Variants in TM7SF2 observed in about 807,000 individuals in gnomAD.
TM7SF2 encodes the protein transmembrane 7 superfamily member 2.
A neutral mutation model predicts 51.0 loss-of-function variants in TM7SF2; 51 were observed. The observed-to-expected ratio is 1.00, with a 90% CI of 0.80 to 1.26. The LOEUF is 1.26. Ranked by LOEUF, TM7SF2 falls within the 50% of genes most tolerant of loss-of-function variation. The probability of loss-of-function intolerance (pLI) is 0.00; values close to 1 mark genes in which losing one functional copy is unlikely to be tolerated. For synonymous variants in TM7SF2, 255 were observed against 241.0 expected (o/e 1.06, Z -0.54); for missense variants, 541 against 547.4 (o/e 0.99, Z 0.12).
chr11:65,112,575 G>A lies in TM7SF2; in HGVS notation c.113G>A (p.Arg38His), dbSNP rs781766885. The A allele has an allele frequency of 2.1e-4, 321 of 1,523,286 alleles. No homozygotes were observed. Among genetic ancestry groups the A allele is most frequent in the Non-Finnish European group, 2.7e-4 (313 of 1,144,108 alleles). The allele number at this position is 1,523,286 out of a possible 1,614,324, so 94.4% of individuals were successfully genotyped here. A position where few individuals can be genotyped will look rare whatever the true frequency, so the allele number is the denominator to read the frequency against. ...ATGTTCCACCTGCTCCTGGCGGCCC[G>A]TTCGGGCCCCGCGCGCCTGCTGGGT... ...ATMFHLLLAA[R>H]SGPARLLGPP... Residue 38 changes from arginine (R) to histidine (H), a missense_variant, in exon 2 of 10, where the codon CGT (arginine) becomes CAT (histidine). Transcript: ENST00000279263.
rs772801137 is a variant in TM7SF2, at chr11:65,115,461, G to T, written c.974-15G>T. The T allele has an allele frequency of 6.2e-7, 1 of 1,614,164 alleles. No individual in the cohort carries two copies. The highest frequency in any genetic ancestry group is 2.2e-5 in the East Asian group (1 of 44,890). ...GGGCTTCCTGGGAACTCTCCACCCT[G>T]CTGTCTTTCCCCAGGGCTTGAGACC... On this transcript the variant is annotated splice_polypyrimidine_tract_variant and intron_variant, in intron 8 of 9. Transcript: ENST00000279263.
intron 5 of TM7SF2, 33 bp downstream of exon 5, chr11:65,113,627 C>T (rs760604100): frequency 6.3e-7 from 1 of 1,592,628 alleles, no homozygotes; most frequent in Non-Finnish European, 8.6e-7. Context: ...GGCCTCAGGC[C>T]AGGGGGAGGG....
rs1253894688 is a variant in TM7SF2 at position 65,116,142 on chromosome 11, G to C, written c.*89G>C. 8 of 1,484,254 alleles carry C rather than the reference G, an allele frequency of 5.4e-6. No individual in the cohort carries two copies. Among genetic ancestry groups the C allele is most frequent in the Non-Finnish European group, 6.3e-6 (7 of 1,104,282 alleles). 91.9% of individuals were successfully genotyped at this position (1,484,254 alleles called of 1,614,324 possible). A position where few individuals can be genotyped will look rare whatever the true frequency, so the allele number is the denominator to read the frequency against. ...GAGCCTCGACACACTTGGGACTCAAGGGCTTGCACCCCACCCAGCCCTGAG... is the reference window on the plus strand; with the variant it reads ...GAGCCTCGACACACTTGGGACTCAACGGCTTGCACCCCACCCAGCCCTGAG... On this transcript the variant is annotated 3_prime_UTR_variant, in exon 10 of 10. Transcript: ENST00000279263.
chr11:65,115,045 G>A lies in TM7SF2; in HGVS notation c.856G>A (p.Gly286Arg), dbSNP rs763739423. 1.2e-6 allele frequency: 2 copies of A among 1,613,988 alleles called. No individual in the cohort carries two copies. The highest frequency in any genetic ancestry group is 1.7e-6 in the Non-Finnish European group (2 of 1,180,004). Residue 286 changes from glycine to arginine, a missense_variant, in exon 7 of 10, where the codon GGG becomes AGG. Gly to Arg is a moderately radical substitution (Grantham distance 125). Transcript: ENST00000279263. The part of the protein sequence containing the change: ...QFLLHHPQPL[G>R]LPMASVICLI... The stretch of plus-strand genomic sequence containing the variant: ...CCTGCTGCACCACCCGCAGCCCCTG[G>A]GGTTGCCCATGGCCTCTGTCATCTG...
At chr11:65,113,621 T>C in intron 5 of TM7SF2, 27 bp downstream of exon 5, 3 of 1,495,736 alleles carry the variant, frequency 2.0e-6, no homozygotes, top group Non-Finnish European at 2.8e-6. Flanking sequence ...TGAGCTGGCC[T>C]CAGGCCAGGG....
chr11:65,115,419 G>A, intron 8 of TM7SF2, 25 bp downstream of exon 8: 2 of 1,614,178 alleles, frequency 1.2e-6, no homozygotes, highest in Non-Finnish European at 1.7e-6. Flanking sequence ...TAGGGCCATG[G>A]GTGAGGTGGG....
In TM7SF2 at chr11:65,112,662, T is replaced by A; in HGVS notation, c.200T>A (p.Leu67His). The A allele has an allele frequency of 6.5e-7, 1 of 1,530,716 alleles. No individual in the cohort carries two copies. Among genetic ancestry groups the A allele is most frequent in the Non-Finnish European group, 8.8e-7 (1 of 1,141,384 alleles). 94.8% of individuals were successfully genotyped at this position (1,530,716 alleles called of 1,614,324 possible). A position where few individuals can be genotyped will look rare whatever the true frequency, so the allele number is the denominator to read the frequency against. The change falls in exon 2 of 10, where the codon CTC (leucine) becomes CAC (histidine). Residue 67 changes from leucine to histidine, a missense_variant. Transcript: ENST00000279263. The part of the protein sequence containing the change: ...LWSPRALLLW[L>H]AWLGLQAALY... ...AGCCCACGGGCGCTGCTGCTGTGGC[T>A]CGCCTGGCTCGGCCTGCAGGCGGCG...
In TM7SF2 at chr11:65,113,550, G is replaced by C; in HGVS notation, c.559G>C (p.Asp187His). Reference sequence around the variant, plus strand: ...GCTCAACCCTCGTATCTGTTTCTTCGACTTCAAATATTTCTGTGAACTGCG... The same window carrying C: ...GCTCAACCCTCGTATCTGTTTCTTCCACTTCAAATATTTCTGTGAACTGCG... Reference protein sequence around the residue: ...RELNPRICFFDFKYFCELRPG... With the variant: ...RELNPRICFFHFKYFCELRPG... The change falls in exon 5 of 10, where the codon GAC becomes CAC. Residue 187 changes from aspartate (D) to histidine (H), a missense_variant. Transcript: ENST00000279263. 1 of 1,614,050 alleles carries C rather than the reference G, an allele frequency of 6.2e-7. No homozygotes were observed. Among genetic ancestry groups the C allele is most frequent in the Admixed American group, 1.7e-5 (1 of 60,010 alleles).
intron 3 of TM7SF2, 98 bp from the exon 4 acceptor site, chr11:65,113,122 G>T: frequency 7.6e-7 from 1 of 1,323,414 alleles, no homozygotes; most frequent in South Asian, 1.5e-5. Context: ...GCTTGGGGCA[G>T]GGTCTGTGGC....
chr11:65,113,641 G>A, intron 5 of TM7SF2, 47 bp downstream of exon 5: 1 of 1,559,136 alleles, frequency 6.4e-7, no homozygotes, highest in Non-Finnish European at 8.8e-7. Context: ...GGGAGGGTTA[G>A]GGTGGGTGAG....
In TM7SF2 at chr11:65,112,055, G is replaced by A. The variant is rs532572337; in HGVS notation, c.40G>A (p.Gly14Arg). Residue 14 changes from glycine (G) to arginine (R), a missense_variant, in exon 1 of 10, where the codon GGA (glycine) becomes AGA (arginine). By Grantham distance (125) the Gly-to-Arg change is moderately radical (BLOSUM62 -2). Coordinates refer to ENST00000279263, the MANE Select transcript of TM7SF2 (RefSeq NM_003273.6). ...TQGPRAPLEF[G>R]GPLGAAALLL... ...GGGCCCCCGGGCCCCGCTGGAATTC[G>A]GAGGGCCCCTGGGTAATGGGGCAGA... The A allele has an allele frequency of 1.9e-6, 3 of 1,598,198 alleles. No homozygotes were observed. Among genetic ancestry groups the A allele is most frequent in the Non-Finnish European group, 2.6e-6 (3 of 1,174,222 alleles).
In TM7SF2 at chr11:65,114,735, T is replaced by C. The variant is rs778766450; in HGVS notation, c.626T>C (p.Leu209Ser). 3.1e-6 allele frequency: 5 copies of C among 1,614,216 alleles called. No homozygotes were observed. In the East Asian group the frequency reaches 1.1e-4, roughly 36 times the overall value. ...IGWVLINLAL[L>S]MKEAELRGSP... is the part of the protein sequence containing the mutation. ...CAGGTCCTCATCAACCTGGCCCTGT[T>C]GATGAAGGAGGCAGAGCTTCGAGGC... The change falls in exon 6 of 10, where the codon TTG (leucine) becomes TCG (serine). Residue 209 changes from leucine to serine, a missense_variant. Leu to Ser is a moderately radical substitution (Grantham distance 145). Transcript: ENST00000279263.
At position 65,114,569 on chromosome 11, in the gene TM7SF2, C is replaced by G. The variant is rs573336393; in HGVS notation, c.604-144C>G. 89 of 1,041,984 alleles carry G rather than the reference C, an allele frequency of 8.5e-5. No individual in the cohort carries two copies. The African/African-American group carries it at 1.3e-3, about 16-fold the overall frequency. The allele number at this position is 1,041,984 out of a possible 1,614,324, so 64.5% of individuals were successfully genotyped here. A position where few individuals can be genotyped will look rare whatever the true frequency, so the allele number is the denominator to read the frequency against. On this transcript the variant is annotated intron_variant, in intron 5 of 9. Transcript: ENST00000279263. ...AAACAGGCTGCGGGCACCTCCCTGT[C>G]CACAGTCTCTGTCCTTGGGTCTAGG...
Position 65,112,873 on chromosome 11 carries a change from G to A in TM7SF2, c.304+8G>A, listed in dbSNP as rs758413631. On this transcript the variant is annotated splice_region_variant and intron_variant, in intron 3 of 9. Coordinates refer to ENST00000279263, the MANE Select transcript of TM7SF2 (RefSeq NM_003273.6). Reference sequence around the variant, plus strand: ...TGCGCTATCCTATTAACGGTGCCTAGGGGACGGGCCCTCGCGCTGGAGTTA... The same window carrying A: ...TGCGCTATCCTATTAACGGTGCCTAAGGGACGGGCCCTCGCGCTGGAGTTA... 1 of 1,550,702 alleles carries A rather than the reference G, an allele frequency of 6.4e-7. No individual in the cohort carries two copies. Among genetic ancestry groups the A allele is most frequent in the Admixed American group, 2.0e-5 (1 of 51,018 alleles).
In TM7SF2 at chr11:65,113,505, G is replaced by A. The variant is rs2137202812; in HGVS notation, c.514G>A (p.Asp172Asn). The A allele has an allele frequency of 6.2e-7, 1 of 1,614,190 alleles. No individual in the cohort carries two copies. The highest frequency in any genetic ancestry group is 8.5e-7 in the Non-Finnish European group (1 of 1,180,026). Residue 172 changes from aspartate (D) to asparagine (N), a missense_variant, in exon 5 of 10, where the codon GAC becomes AAC. Coordinates refer to ENST00000279263, the MANE Select transcript of TM7SF2 (RefSeq NM_003273.6). ...ATATTCTCCAGGCAATCCGATTTAC[G>A]ACTTTTTTCTGGGACGAGAGCTCAA... ...PGGNSGNPIY[D>N]FFLGRELNPR...
chr11:65,115,693 G>A lies in TM7SF2; in HGVS notation c.1096+95G>A, dbSNP rs1365726455. The A allele has an allele frequency of 3.1e-6, 5 of 1,604,852 alleles. No homozygotes were observed. The African/African-American group carries it at 4.0e-5, about 13-fold the overall frequency. On this transcript the variant is annotated intron_variant, in intron 9 of 9. Coordinates refer to ENST00000279263, the MANE Select transcript of TM7SF2 (RefSeq NM_003273.6). ...CTACTTTGGGTATGCACCAGTGAGA[G>A]TAGTCAGAGAGCTGGGGGTGGACCC...
chr11:65,115,137 A>G (rs1565324670), intron 7 of TM7SF2, 56 bp downstream of exon 7: 5 of 1,602,906 alleles, frequency 3.1e-6, no homozygotes, highest in Non-Finnish European at 4.3e-6. Flanking sequence ...CCTTTGATTC[A>G]TGCTCTGTTT....
Position 65,112,079 on chromosome 11 carries a change from G to C in TM7SF2, c.52+12G>C. 1.3e-6 allele frequency: 2 copies of C among 1,594,900 alleles called. No homozygotes were observed. Among genetic ancestry groups the C allele is most frequent in the Non-Finnish European group, 1.7e-6 (2 of 1,173,154 alleles). ...CGGAGGGCCCCTGGGTAATGGGGCAGAGAGATGGGACCTGGGGCAAAGGCT... is the reference window on the plus strand; with the variant it reads ...CGGAGGGCCCCTGGGTAATGGGGCACAGAGATGGGACCTGGGGCAAAGGCT... On this transcript the variant is annotated intron_variant, in intron 1 of 9. Transcript: ENST00000279263.
chr11:65,114,829 C>T lies in TM7SF2; in HGVS notation c.720C>T (p.His240=), dbSNP rs760625665. The T allele has an allele frequency of 5.3e-5, 86 of 1,614,098 alleles. No individual in the cohort carries two copies. Among genetic ancestry groups the T allele is most frequent in the Middle Eastern group, 1.6e-4 (1 of 6,084 alleles). ...TCTACGTGGGTGATGCCCTCTGGCA[C>T]GAGGTGAGGCTGGACTGGACGAGGG... ...QLLYVGDALW[H]EEAVLTTMDI... Residue 240 remains histidine (H), a synonymous_variant, in exon 6 of 10, where the codon CAC becomes CAT. Coordinates refer to ENST00000279263, the MANE Select transcript of TM7SF2 (RefSeq NM_003273.6).
Sources: gnomAD v4.1 joint callset for allele counts on GRCh38, gnomAD v4.1.1 for gene constraint, MANE v1.5 for transcripts, NCBI Gene and HGNC (gene_info 2026-07-23, HGNC 2026-07-21) for gene names.